SMOC2: variants seen among roughly 807,000 people sequenced by gnomAD.
SMOC2 encodes the protein SPARC-related modular calcium-binding protein 2.
Under a neutral mutation model 61.4 loss-of-function variants are expected in SMOC2, and 39 were observed. The ratio of observed to expected loss-of-function variants is 0.64; its 90% CI spans 0.49 to 0.83. SMOC2 has a LOEUF of 0.83. SMOC2 is among the 40% of genes least tolerant of loss of function. The pLI, the probability that SMOC2 is intolerant of heterozygous loss-of-function variation, is 0.00. For missense variants in SMOC2, 556 were observed against 592.9 expected, an observed-to-expected ratio of 0.94 and a Z score of 0.65; for synonymous variants, 247 against 239.9, an observed-to-expected ratio of 1.03 and a Z score of -0.27.
intron 7 of SMOC2, among the ~76,000 whole-genome samples, chr6:168,584,119 A>G (rs550792804): frequency 1.3e-5 from 2 of 152,348 alleles, no homozygotes; most frequent in South Asian, 4.1e-4. Flanking sequence ...GGGTGGGCAA[A>G]GGAAATGGAA....
At chr6:168,446,484 G>A (rs146346471) in intron 1 of SMOC2, among the ~76,000 whole-genome samples, 4 of 152,344 alleles carry the variant, frequency 2.6e-5, no homozygotes, top group Non-Finnish European at 5.9e-5. Context: ...CTTTAGAACT[G>A]CCAGCCCTTA....
At position 168,666,634 on chromosome 6, in the gene SMOC2, A is replaced by G; in HGVS notation, c.*196A>G. ...GAGAGCTGGCTTCAGAAAATTAATC[A>G]CATACAATGTATGTGTCCTCTTTTG... is the stretch of plus-strand genomic sequence containing the variant. On this transcript the variant is annotated 3_prime_UTR_variant, in exon 13 of 13. Transcript: ENST00000356284. The G allele has an allele frequency of 4.7e-6, 3 of 635,940 alleles. No individual in the cohort carries two copies. The highest frequency in any genetic ancestry group is 8.4e-6 in the Non-Finnish European group (3 of 357,956). 39.4% of individuals were successfully genotyped at this position (635,940 alleles called of 1,614,324 possible).
chr6:168,468,667 T>C (rs1389974900), intron 1 of SMOC2, among the ~76,000 whole-genome samples: 1 of 152,192 alleles, frequency 6.6e-6, no homozygotes, highest in Admixed American at 6.5e-5. Flanking sequence ...CCCGAGTAGC[T>C]GGGATTACAG....
At chr6:168,496,961 T>TCCTCCAGG (rs1486243838) in intron 1 of SMOC2, among the ~76,000 whole-genome samples, 1 of 152,206 alleles carries the variant, frequency 6.6e-6, no homozygotes, top group East Asian at 1.9e-4. Context: ...CCACCGCCTC[T>TCCTCCAGG]CCTCCAGGCG....
rs79928306 is a variant in SMOC2, at chr6:168,595,010, C to G, written c.638-3808C>G. ...CCTCACGGGCATCTTTCTAGAGGAT[C>G]GCCGAGCTCCTCCTCCTTCCTGAGG... On this transcript the variant is annotated intron_variant, in intron 7 of 12. Transcript: ENST00000356284. Among the ~76,000 whole-genome samples, 213 of 34,094 alleles carry G rather than the reference C, an allele frequency of 6.2e-3. 4 individuals carry two copies. Among genetic ancestry groups the G allele is most frequent in the Admixed American group, 7.8e-3 (28 of 3,600 alleles). The allele number at this position is 34,094 out of a possible 152,430, so 22.4% of individuals were successfully genotyped here.
intron 7 of SMOC2, among the ~76,000 whole-genome samples, chr6:168,577,416 T>A (rs2115152787): frequency 6.6e-6 from 1 of 152,324 alleles, no homozygotes; most frequent in East Asian, 1.9e-4. Flanking sequence ...AACTCTGAGA[T>A]GTTTGGTTCT....
chr6:168,468,987 G>A (rs1398267574), intron 1 of SMOC2, among the ~76,000 whole-genome samples: 1 of 152,238 alleles, frequency 6.6e-6, no homozygotes, highest in African/African-American at 2.4e-5. Context: ...GACATCAGGT[G>A]ATACAAGCTG....
At chr6:168,525,495 G>A (rs1783432867) in intron 2 of SMOC2, among the ~76,000 whole-genome samples, 1 of 152,208 alleles carries the variant, frequency 6.6e-6, no homozygotes, top group African/African-American at 2.4e-5. Flanking sequence ...TCATGTCTCT[G>A]TATTTCTGAA....
At chr6:168,496,358 C>A (rs1418699274) in intron 1 of SMOC2, among the ~76,000 whole-genome samples, 2 of 152,136 alleles carry the variant, frequency 1.3e-5, no homozygotes, top group East Asian at 3.9e-4. Flanking sequence ...CTGCCTTGTC[C>A]CAGACAGCAG....
chr6:168,567,500 CGTGT>C (rs201622209), intron 7 of SMOC2, among the ~76,000 whole-genome samples: 3 of 148,708 alleles, frequency 2.0e-5, no homozygotes, highest in African/African-American at 4.9e-5. Flanking sequence ...TTTATTTGTG[CGTGT>C]GTGTGTGTGT....
At chr6:168,629,655 A>G (rs1245305444) in intron 9 of SMOC2, among the ~76,000 whole-genome samples, 1 of 152,178 alleles carries the variant, frequency 6.6e-6, no homozygotes, top group African/African-American at 2.4e-5. Flanking sequence ...GGGGAAGCTG[A>G]GAGTCATCAA....
chr6:168,602,665 G>C (rs374078873), intron 8 of SMOC2, among the ~76,000 whole-genome samples: 106 of 152,294 alleles, frequency 7.0e-4, no homozygotes, highest in African/African-American at 2.3e-3. Flanking sequence ...GACAGTCTTG[G>C]TTTTGTTACA....
At chr6:168,459,687 T>C (rs1311549374) in intron 1 of SMOC2, among the ~76,000 whole-genome samples, 4 of 24,426 alleles carry the variant, frequency 1.6e-4, no homozygotes, top group Non-Finnish European at 3.2e-4. Context: ...AGCCCTGGGG[T>C]GGGTGAGCCC....
intron 1 of SMOC2, among the ~76,000 whole-genome samples, chr6:168,483,259 T>C (rs1256518202): frequency 6.6e-6 from 1 of 151,698 alleles, no homozygotes; most frequent in Non-Finnish European, 1.5e-5. Flanking sequence ...GGATATAGAA[T>C]TAAAACACAA....
At chr6:168,630,785 T>A (rs1429516846) in intron 9 of SMOC2, among the ~76,000 whole-genome samples, 11 of 152,200 alleles carry the variant, frequency 7.2e-5, no homozygotes, top group African/African-American at 2.4e-4. Flanking sequence ...CTGGCCCCCC[T>A]GGGCATAGCC....
chr6:168,630,012 G>C (rs1786525653), intron 9 of SMOC2, among the ~76,000 whole-genome samples: 1 of 152,166 alleles, frequency 6.6e-6, no homozygotes, highest in South Asian at 2.1e-4. Flanking sequence ...ATTCTTCAGG[G>C]GAACCCTCAT....
chr6:168,626,971 G>A (rs1019300503), intron 9 of SMOC2, among the ~76,000 whole-genome samples: 1 of 152,116 alleles, frequency 6.6e-6, no homozygotes, highest in Non-Finnish European at 1.5e-5. Flanking sequence ...TTGATTATAG[G>A]AGTCTTAGTT....
intron 1 of SMOC2, among the ~76,000 whole-genome samples, chr6:168,455,931 G>A (rs1318485374): frequency 1.3e-5 from 2 of 152,234 alleles, no homozygotes; most frequent in African/African-American, 4.8e-5. Flanking sequence ...ACGTCTGGGC[G>A]GAGTCTTCAC....
intron 2 of SMOC2, among the ~76,000 whole-genome samples, chr6:168,521,285 A>G (rs1236577607): frequency 1.3e-5 from 2 of 152,102 alleles, no homozygotes; most frequent in African/African-American, 4.8e-5. Context: ...AGTAGCTGGG[A>G]TTACAGGTGC....
Sources: gnomAD v4.1 joint callset for allele counts (sites outside exome capture counted in the v4.1 genomes callset) on GRCh38, gnomAD v4.1.1 for gene constraint, MANE v1.5 for transcripts, NCBI Gene and HGNC (gene_info 2026-07-23, HGNC 2026-07-21) for gene names.